Variants in AK4 observed in about 807,000 individuals in gnomAD.
AK4 encodes the protein adenylate kinase 4.
In AK4, 13 loss-of-function variants were observed where a neutral mutation model predicts 24.6. That is an observed-to-expected ratio of 0.53 (90% CI 0.34 to 0.84). AK4 has a LOEUF of 0.84. Ranked by LOEUF, AK4 falls within the 40% of genes least tolerant of loss-of-function variation. The probability of loss-of-function intolerance (pLI) is 0.01; values close to 1 mark genes in which losing one functional copy is unlikely to be tolerated. For synonymous variants in AK4, 88 were observed against 107.0 expected, an observed-to-expected ratio of 0.82 and a Z score of 1.10; for missense variants, 192 against 288.2, an observed-to-expected ratio of 0.67 and a Z score of 2.42.
intron 1 of AK4, among the ~76,000 whole-genome samples, chr1:65,152,472 G>C (rs1331452657): frequency 1.5e-5 from 2 of 131,718 alleles, no homozygotes. Context: ...GCACAGTCTC[G>C]GCTCACTGCA....
At position 65,229,405 on chromosome 1, in the gene AK4, A is replaced by G. The variant is rs185334241; in HGVS notation, c.*3228A>G. On this transcript the variant is annotated 3_prime_UTR_variant, in exon 5 of 5. Coordinates refer to ENST00000327299, the MANE Select transcript of AK4 (RefSeq NM_013410.4). ...AAAAATTAGCCAGTCATGGTGGTGT[A>G]CACTTATGGTCCTAGTTACTCAGGA... is the stretch of plus-strand genomic sequence containing the variant. 1.3e-5 allele frequency: 2 copies of G among 152,272 alleles called. No individual in the cohort carries two copies. The highest frequency in any genetic ancestry group is 1.9e-4 in the East Asian group (1 of 5,160). The allele number at this position is 152,272 out of a possible 1,614,324, so 9.4% of individuals were successfully genotyped here.
intron 3 of AK4, among the ~76,000 whole-genome samples, chr1:65,223,058 T>C (rs187025524): frequency 3.8e-3 from 585 of 152,160 alleles, no homozygotes; most frequent in Non-Finnish European, 6.5e-3. Context: ...ATGGGTAATT[T>C]AATAATTTCT....
At chr1:65,186,136 A>G (rs1402590077) in intron 1 of AK4, among the ~76,000 whole-genome samples, 1 of 152,000 alleles carries the variant, frequency 6.6e-6, no homozygotes, top group Non-Finnish European at 1.5e-5. Flanking sequence ...ATTTTAATTT[A>G]ATTTAACTTA....
chr1:65,210,062 G>T (rs1651924300), intron 2 of AK4, among the ~76,000 whole-genome samples: 1 of 152,174 alleles, frequency 6.6e-6, no homozygotes, highest in Non-Finnish European at 1.5e-5. Context: ...CTCTCAAAAT[G>T]CTGGGACTGT....
At chr1:65,207,723 T>G (rs1651854184) in intron 2 of AK4, among the ~76,000 whole-genome samples, 1 of 152,126 alleles carries the variant, frequency 6.6e-6, no homozygotes, top group Non-Finnish European at 1.5e-5. Context: ...GTCCCTGTTG[T>G]CTGCTGTGCC....
chr1:65,190,710 A>G lies in AK4; in HGVS notation c.146A>G (p.Glu49Gly), dbSNP rs1651276459. ...TCTTTTTTTCTTGTCTTTTTAATAG[A>G]AGTTGGTGAGATGGCAAAGCAGTAT... ...FLRENIKASTEVGEMAKQYIE... is the reference protein window; with the variant it reads ...FLRENIKASTGVGEMAKQYIE... The change falls in exon 2 of 5, where the codon GAA (glutamate) becomes GGA (glycine). Residue 49 changes from glutamate (E) to glycine (G), a missense_variant and splice_region_variant. Transcript: ENST00000327299. 1 of 1,608,818 alleles carries G rather than the reference A, an allele frequency of 6.2e-7. No individual in the cohort carries two copies. Among genetic ancestry groups the G allele is most frequent in the Non-Finnish European group, 8.5e-7 (1 of 1,178,436 alleles).
In AK4 at chr1:65,162,379, C is replaced by T. The variant is rs571766802; in HGVS notation, c.145+13827C>T. On this transcript the variant is annotated intron_variant, in intron 1 of 4. Coordinates refer to ENST00000327299, the MANE Select transcript of AK4 (RefSeq NM_013410.4). ...GTAAGTGGGGAGGAGATGGTAGAAG[C>T]GGAGGCTGGAAAGGTAGGTATAGGG... Among the ~76,000 whole-genome samples, 6 of 152,122 alleles carry T rather than the reference C, an allele frequency of 3.9e-5. No individual in the cohort carries two copies. The South Asian group carries it at 6.2e-4, about 16-fold the overall frequency.
chr1:65,224,989 T>G (rs1652411335), intron 4 of AK4, 119 bp downstream of exon 4: 1 of 659,326 alleles, frequency 1.5e-6, no homozygotes, highest in Admixed American at 2.9e-5. Context: ...ACACTAGCGA[T>G]CCAAAACCTT....
intron 1 of AK4, chr1:65,148,910 C>G (rs1649666841): frequency 6.1e-6 from 1 of 165,126 alleles, no homozygotes; most frequent in South Asian, 2.0e-4. Flanking sequence ...TACCCCTTAG[C>G]CCTGGCCCCC....
intron 1 of AK4, among the ~76,000 whole-genome samples, chr1:65,175,514 C>T (rs1303251334): frequency 6.6e-6 from 1 of 152,210 alleles, no homozygotes; most frequent in Admixed American, 6.5e-5. Flanking sequence ...CGGATAGATT[C>T]ACACTCTGGG....
chr1:65,205,233 T>C (rs1651778762), intron 2 of AK4, among the ~76,000 whole-genome samples: 1 of 152,194 alleles, frequency 6.6e-6, no homozygotes, highest in Non-Finnish European at 1.5e-5. Flanking sequence ...TTCCCCATTT[T>C]ATTTTATTTT....
At chr1:65,178,268 G>T (rs1047220581) in intron 1 of AK4, among the ~76,000 whole-genome samples, 6 of 152,168 alleles carry the variant, frequency 3.9e-5, no homozygotes, top group South Asian at 2.1e-4. Context: ...GAAATGTCAG[G>T]TAAAGGTACA....
chr1:65,222,844 G>C (rs1652337792), intron 3 of AK4, among the ~76,000 whole-genome samples: 1 of 152,084 alleles, frequency 6.6e-6, no homozygotes, highest in African/African-American at 2.4e-5. Flanking sequence ...TTCTGTTCTG[G>C]CCTACCTTTT....
chr1:65,195,783 G>A (rs1651450792), intron 2 of AK4, among the ~76,000 whole-genome samples: 1 of 152,194 alleles, frequency 6.6e-6, no homozygotes, highest in Non-Finnish European at 1.5e-5. Flanking sequence ...CTAGTGTACA[G>A]GTCCTGAAGT....
At chr1:65,185,436 G>A (rs1057136845) in intron 1 of AK4, among the ~76,000 whole-genome samples, 2 of 151,984 alleles carry the variant, frequency 1.3e-5, no homozygotes, top group African/African-American at 4.8e-5. Context: ...TCTCTTAGTG[G>A]TGGGCTTTTC....
At chr1:65,184,874 G>T (rs892271146) in intron 1 of AK4, among the ~76,000 whole-genome samples, 33 of 152,326 alleles carry the variant, frequency 2.2e-4, no homozygotes, top group African/African-American at 7.7e-4. Flanking sequence ...AGATATGTGG[G>T]ACAAGTTTGA....
rs1220811548 is a variant in AK4 at position 65,215,160 on chromosome 1, T to TTTTCTTTTCTTTTC, written c.266-3587_266-3586insTCTTTTCTTTCTTT. 2.0e-3 allele frequency among the ~76,000 whole-genome samples: 289 copies of TTTTCTTTTCTTTTC among 144,374 alleles called. 2 individuals are homozygous for TTTTCTTTTCTTTTC. Among genetic ancestry groups the TTTTCTTTTCTTTTC allele is most frequent in the African/African-American group, 7.0e-3 (278 of 39,822 alleles). The allele number at this position is 144,374 out of a possible 152,430, so 94.7% of individuals were successfully genotyped here. ...CATTGATTTTTTTTCTTTTCTTTTC[T>TTTTCTTTTCTTTTC]TTTCTTTCTTTCTTTCTTTTTTTTT... On this transcript the variant is annotated intron_variant, in intron 2 of 4. Transcript: ENST00000327299.
intron 1 of AK4, among the ~76,000 whole-genome samples, chr1:65,162,149 C>T (rs1650187775): frequency 6.6e-6 from 1 of 152,090 alleles, no homozygotes; most frequent in African/African-American, 2.4e-5. Context: ...TACTGGGAGG[C>T]TGAGGTGGAT....
chr1:65,220,436 T>C (rs574702848), intron 3 of AK4, among the ~76,000 whole-genome samples: 1 of 152,322 alleles, frequency 6.6e-6, no homozygotes, highest in African/African-American at 2.4e-5. Flanking sequence ...GTGAGCATTA[T>C]AGTTTTTTGA....
Sources: allele counts gnomAD v4.1 joint callset (sites outside exome capture counted in the v4.1 genomes callset), GRCh38; gene constraint gnomAD v4.1.1; transcripts MANE v1.5; gene names NCBI Gene and HGNC (gene_info 2026-07-23, HGNC 2026-07-21).